The following RRM2 variants were observed in gnomAD, a reference collection of about 807,000 sequenced individuals.
RRM2 encodes ribonucleoside-diphosphate reductase subunit M2.
RRM2 carries 6 observed loss-of-function variants against 45.9 expected under a neutral mutation model. That is an observed-to-expected ratio of 0.13 (90% CI 0.07 to 0.26). The LOEUF is 0.26. Ranked by LOEUF, RRM2 falls within the 10% of genes least tolerant of loss-of-function variation. RRM2 has a pLI of 1.00. For missense variants in RRM2, 343 were observed against 489.5 expected (o/e 0.70, Z 2.82); for synonymous variants, 177 against 173.0 (o/e 1.02, Z -0.18).
intron 3 of RRM2, among the ~76,000 whole-genome samples, chr2:10,170,742 G>C (rs1663783670): frequency 1.3e-5 from 2 of 152,304 alleles, no homozygotes; most frequent in South Asian, 4.1e-4. Flanking sequence ...AGGCTCCCGT[G>C]TGCCTGGCAC....
chr2:10,124,747 A>C lies in RRM2; in HGVS notation c.466A>C (p.Thr156Pro). 1 of 1,612,098 alleles carries C rather than the reference A, an allele frequency of 6.2e-7. No homozygotes were observed. Among genetic ancestry groups the C allele is most frequent in the Non-Finnish European group, 8.5e-7 (1 of 1,179,798 alleles). The change falls in exon 5 of 10, where the codon ACA becomes CCA. Residue 156 changes from threonine to proline, a missense_variant. Physicochemically the swap from Thr to Pro is conservative, Grantham distance 38 (BLOSUM62 -1). Coordinates refer to ENST00000304567, the MANE Select transcript of RRM2 (RefSeq NM_001034.4). ...GCGATTTAGCCAAGAAGTTCAGATT[A>C]CAGAAGCCCGCTGTTTCTATGGCTT... ...VERFSQEVQI[T>P]EARCFYGFQI...
At chr2:10,137,229 A>G (rs1663003253), upstream of RRM2, among the ~76,000 whole-genome samples, 1 of 152,174 alleles carries the variant, frequency 6.6e-6, no homozygotes, top group Non-Finnish European at 1.5e-5. Context: ...GGTCTGCACA[A>G]AGACCAGTGG....
At chr2:10,145,953 G>C (rs1211391900) in intron 3 of RRM2, 1 of 152,194 alleles carries the variant, frequency 6.6e-6, no homozygotes, top group Non-Finnish European at 1.5e-5. Flanking sequence ...CCACCCCCTG[G>C]GTCTCGCTCA....
exon 1 of RRM2, chr2:10,141,590 C>A: frequency 2.1e-6 from 1 of 486,626 alleles, no homozygotes; most frequent in Non-Finnish European, 3.7e-6. Context: ...GGTGTCTGGT[C>A]TTGGAGTCAA....
chr2:10,134,794 T>A (rs971553572), downstream of RRM2, among the ~76,000 whole-genome samples: 6 of 152,252 alleles, frequency 3.9e-5, no homozygotes, highest in East Asian at 1.2e-3. Context: ...GGGATGTATC[T>A]AAGGGAATTA....
chr2:10,159,195 G>A (rs563293726), intron 3 of RRM2, among the ~76,000 whole-genome samples: 76 of 152,272 alleles, frequency 5.0e-4, no homozygotes, highest in Admixed American at 1.4e-3. Context: ...CTTGTGGGTG[G>A]AGACACCCTT....
rs114584653 is a variant in RRM2 at position 10,124,399 on chromosome 2, C to A, written c.436-318C>A. 4.1e-3 allele frequency among the ~76,000 whole-genome samples: 623 copies of A among 152,296 alleles called. 5 individuals are homozygous for A. Among genetic ancestry groups the A allele is most frequent in the African/African-American group, 0.014 (598 of 41,540 alleles). ...GGGATTACAGGCGTGAGCCACCACG[C>A]CCGGCTCTGCTCCCTCCTTTTTGTG... On this transcript the variant is annotated intron_variant, in intron 4 of 9. Coordinates refer to ENST00000304567, the MANE Select transcript of RRM2 (RefSeq NM_001034.4).
intron 3 of RRM2, among the ~76,000 whole-genome samples, chr2:10,154,788 C>G (rs549210426): frequency 6.6e-6 from 1 of 151,010 alleles, no homozygotes; most frequent in South Asian, 2.1e-4. Flanking sequence ...CTCTGCCTCC[C>G]GGGTTCAAGT....
chr2:10,179,786 A>C (rs915208125), intron 3 of RRM2, among the ~76,000 whole-genome samples: 1 of 152,214 alleles, frequency 6.6e-6, no homozygotes, highest in Admixed American at 6.5e-5. Flanking sequence ...GAACCATCAT[A>C]AGCCAGGGAT....
At chr2:10,123,951 T>C (rs1662726052) in intron 4 of RRM2, 99 bp downstream of exon 4, 1 of 740,548 alleles carries the variant, frequency 1.4e-6, no homozygotes, top group Admixed American at 1.9e-5. Flanking sequence ...GCTGAGTGCA[T>C]CTGTGTGTGT....
intron 3 of RRM2, among the ~76,000 whole-genome samples, chr2:10,188,121 G>C (rs1664207952): frequency 1.3e-5 from 2 of 152,192 alleles, no homozygotes; most frequent in African/African-American, 4.8e-5. Context: ...TGAGGACCCC[G>C]AGCTGCAGCC....
chr2:10,133,917 G>T (rs942149894), downstream of RRM2, among the ~76,000 whole-genome samples: 1 of 151,898 alleles, frequency 6.6e-6, no homozygotes, highest in Non-Finnish European at 1.5e-5. Flanking sequence ...GGTGGCTCGC[G>T]CCTGTAATCC....
intron 3 of RRM2, among the ~76,000 whole-genome samples, chr2:10,187,873 G>A (rs1664200860): frequency 6.6e-6 from 1 of 152,176 alleles, no homozygotes; most frequent in African/African-American, 2.4e-5. Flanking sequence ...AATGCTCCCT[G>A]ATGCCACGGT....
intron 3 of RRM2, among the ~76,000 whole-genome samples, chr2:10,176,794 T>C (rs1046374425): frequency 1.3e-5 from 2 of 152,250 alleles, no homozygotes; most frequent in African/African-American, 4.8e-5. Context: ...GTGGCTATTA[T>C]GAATAATGCT....
chr2:10,142,525 C>A (rs1294044213), intron 3 of RRM2: 11 of 759,426 alleles, frequency 1.4e-5, no homozygotes, highest in Non-Finnish European at 2.1e-5. Context: ...CCAGCCTCTG[C>A]CGTTCTACGT....
rs771261552 is a variant in RRM2 at position 10,205,263 on chromosome 2, G to A, written n.483-5048G>A. On this transcript the variant is annotated intron_variant and non_coding_transcript_variant, in intron 3 of 3. Coordinates refer to the RRM2 transcript ENST00000381786. The surrounding 1 kb of genome is among the most constrained non-coding windows in gnomAD (Gnocchi z 4.8). ...GCTCGGTATTGACGATCAGCGAACA[G>A]TCTCCTGGGGAGTCAGCTTGAATGG... 4.6e-5 allele frequency among the ~76,000 whole-genome samples: 7 copies of A among 152,210 alleles called. No individual in the cohort carries two copies. Among genetic ancestry groups the A allele is most frequent in the Non-Finnish European group, 7.3e-5 (5 of 68,040 alleles).
At position 10,123,040 on chromosome 2, in the gene RRM2, C is replaced by A; in HGVS notation, c.157C>A (p.Gln53Lys). Residue 53 changes from glutamine (Q) to lysine (K), a missense_variant, in exon 2 of 10, where the codon CAG becomes AAG. By Grantham distance (53) the Gln-to-Lys change is moderately conservative (BLOSUM62 1). Coordinates refer to ENST00000304567, the MANE Select transcript of RRM2 (RefSeq NM_001034.4). ...CAGCAAGACCGCGAGGAGGATCTTCCAGGAGCCCACGGAGCCGGTGAGTGG... is the reference window on the plus strand; with the variant it reads ...CAGCAAGACCGCGAGGAGGATCTTCAAGGAGCCCACGGAGCCGGTGAGTGG... ...LASKTARRIF[Q>K]EPTEPKTKAA... 6.4e-7 allele frequency: 1 copy of A among 1,565,586 alleles called. No homozygotes were observed. The highest frequency in any genetic ancestry group is 2.3e-5 in the East Asian group (1 of 43,542).
chr2:10,136,276 A>G (rs1322103567), downstream of RRM2, among the ~76,000 whole-genome samples: 1 of 152,238 alleles, frequency 6.6e-6, no homozygotes, highest in Non-Finnish European at 1.5e-5. Context: ...GTGAAAAGAC[A>G]AGACAGGTTT....
chr2:10,202,091 A>G (rs1472788332), intron 3 of RRM2, among the ~76,000 whole-genome samples: 2 of 152,232 alleles, frequency 1.3e-5, no homozygotes, highest in African/African-American at 4.8e-5. Flanking sequence ...TTTTAATAAA[A>G]TTTAATTTAC....
Sources: gnomAD v4.1 joint callset for allele counts (sites outside exome capture counted in the v4.1 genomes callset) on GRCh38, gnomAD v4.1.1 for gene constraint, Gnocchi (gnomAD v3.1) non-coding constraint, MANE v1.5 for transcripts, NCBI Gene and HGNC (gene_info 2026-07-23, HGNC 2026-07-21) for gene names.